The following NAALAD2 variants were observed in gnomAD, a reference collection of about 807,000 sequenced individuals.
NAALAD2 encodes N-acetylated-alpha-linked acidic dipeptidase 2.
Under a neutral mutation model 95.6 loss-of-function variants are expected in NAALAD2, and 89 were observed. That is an observed-to-expected ratio of 0.93 (90% CI 0.78 to 1.11). NAALAD2 has a LOEUF of 1.11. Ranked by LOEUF, NAALAD2 falls within the 50% of genes least tolerant of loss-of-function variation. NAALAD2 has a pLI of 0.00. For missense variants in NAALAD2, 894 were observed against 872.4 expected (o/e 1.02, Z -0.31); for synonymous variants, 264 against 294.4 (o/e 0.90, Z 1.06).
intron 11 of NAALAD2, among the ~76,000 whole-genome samples, chr11:90,167,964 A>C (rs574769441): frequency 6.6e-6 from 1 of 152,320 alleles, no homozygotes; most frequent in African/African-American, 2.4e-5. Flanking sequence ...CAGCAGTGGC[A>C]ACCCTCTGGG....
chr11:90,165,899 A>G (rs1353257700), intron 11 of NAALAD2, among the ~76,000 whole-genome samples: 1 of 152,214 alleles, frequency 6.6e-6, no homozygotes. Context: ...ATAAAATAAT[A>G]AAAACGCTTT....
At chr11:90,147,278 C>A in intron 2 of NAALAD2, 52 bp from the exon 3 acceptor site, 1 of 1,406,280 alleles carries the variant, frequency 7.1e-7, no homozygotes, top group Non-Finnish European at 9.9e-7. Flanking sequence ...TTCTTAGGCA[C>A]ATCGTCTGAG....
intron 6 of NAALAD2, among the ~76,000 whole-genome samples, chr11:90,155,689 ATACATATGTATGTATTATTATTG>A (rs1952084159): frequency 2.4e-5 from 1 of 41,944 alleles, no homozygotes; most frequent in African/African-American, 1.6e-4. Flanking sequence ...TAATACATAC[ATACATATGTATGTATTATTATTG>A]TATGTATGTA....
At chr11:90,135,186 A>C in intron 1 of NAALAD2, 1 of 312,292 alleles carries the variant, frequency 3.2e-6, no homozygotes, top group East Asian at 6.1e-5. Context: ...AGCATTAAAA[A>C]CAAAGCAAAA....
chr11:90,160,817 T>C (rs964806921), intron 8 of NAALAD2, among the ~76,000 whole-genome samples: 6 of 152,330 alleles, frequency 3.9e-5, no homozygotes, highest in Non-Finnish European at 7.4e-5. Context: ...GCTCCTTCAC[T>C]GTGAGCATAG....
chr11:90,163,357 G>A lies in NAALAD2; in HGVS notation c.1123G>A (p.Ala375Thr). 6.2e-7 allele frequency: 1 copy of A among 1,614,028 alleles called. No homozygotes were observed. The highest frequency in any genetic ancestry group is 1.6e-4 in the Middle Eastern group (1 of 6,062). The change falls in exon 10 of 19, where the codon GCT (alanine) becomes ACT (threonine). Residue 375 changes from alanine (A) to threonine (T), a missense_variant. Coordinates refer to ENST00000534061, the MANE Select transcript of NAALAD2 (RefSeq NM_005467.4). Reference sequence around the variant, plus strand: ...TCACCGGGACTCCTGGGTATTTGGAGCTATTGACCCAACCAGTGGGGTTGC... The same window carrying A: ...TCACCGGGACTCCTGGGTATTTGGAACTATTGACCCAACCAGTGGGGTTGC... ...GGHRDSWVFG[A>T]IDPTSGVAVL...
rs142869570 is a variant in NAALAD2 at position 90,146,960 on chromosome 11, C to T, written c.195-370C>T. Among the ~76,000 whole-genome samples, 8 of 152,024 alleles carry T rather than the reference C, an allele frequency of 5.3e-5. No homozygotes were observed. The South Asian group carries it at 8.3e-4, about 16-fold the overall frequency. On this transcript the variant is annotated intron_variant, in intron 2 of 18. Transcript: ENST00000534061. The stretch of plus-strand genomic sequence containing the variant: ...CATGGAAGTGCCCAAGTGGTCCCTG[C>T]GAGAGGTTAAGATCTATTTTTTTTT...
chr11:90,191,826 C>A lies in NAALAD2; in HGVS notation c.*79C>A. The A allele has an allele frequency of 8.7e-7, 1 of 1,150,094 alleles. No individual in the cohort carries two copies. Among genetic ancestry groups the A allele is most frequent in the Non-Finnish European group, 1.2e-6 (1 of 851,948 alleles). The allele number at this position is 1,150,094 out of a possible 1,614,324, so 71.2% of individuals were successfully genotyped here. A position where few individuals can be genotyped will look rare whatever the true frequency, so the allele number is the denominator to read the frequency against. On this transcript the variant is annotated 3_prime_UTR_variant, in exon 19 of 19. Coordinates refer to ENST00000534061, the MANE Select transcript of NAALAD2 (RefSeq NM_005467.4). Reference sequence around the variant, plus strand: ...TTCACCTTTCTGATAACTTATGAAGCCAGGGTGTTCTAAACTCTTTTCATG... The same window carrying A: ...TTCACCTTTCTGATAACTTATGAAGACAGGGTGTTCTAAACTCTTTTCATG...
At chr11:90,134,599 G>T, upstream of NAALAD2, 1 of 628,070 alleles carries the variant, frequency 1.6e-6, no homozygotes, top group South Asian at 2.0e-5. Context: ...GGGCCCCTGG[G>T]GACCACAGGT....
chr11:90,134,485 C>G (rs377267302), upstream of NAALAD2: 43 of 441,704 alleles, frequency 9.7e-5, 1 homozygote, highest in African/African-American at 7.9e-4. Context: ...CAGCAGCTCC[C>G]GCCACCTACT....
At chr11:90,164,707 TCTTC>T (rs1952387555) in intron 11 of NAALAD2, among the ~76,000 whole-genome samples, 1 of 152,190 alleles carries the variant, frequency 6.6e-6, no homozygotes. Flanking sequence ...CTCCCTTCTC[TCTTC>T]ATCTTTACCC....
rs1336127404 is a variant in NAALAD2, at chr11:90,163,598, G to T, written c.1259G>T (p.Gly420Val). 1.2e-6 allele frequency: 2 copies of T among 1,614,058 alleles called. No individual in the cohort carries two copies. Among genetic ancestry groups the T allele is most frequent in the Non-Finnish European group, 1.7e-6 (2 of 1,179,960 alleles). ...SWDAEEFGLLGSTEWAEENVK... is the reference protein window; with the variant it reads ...SWDAEEFGLLVSTEWAEENVK... ...GATGCAGAAGAATTTGGACTTCTGG[G>T]TTCCACAGAATGGGCTGAGGTAAAT... Residue 420 changes from glycine to valine, a missense_variant, in exon 11 of 19, where the codon GGT becomes GTT. Transcript: ENST00000534061.
At chr11:90,152,588 A>C in intron 6 of NAALAD2, 104 bp downstream of exon 6, 1 of 759,430 alleles carries the variant, frequency 1.3e-6, no homozygotes, top group Non-Finnish European at 2.0e-6. Context: ...ACTAAAATTG[A>C]GTACACTTAT....
rs2134854901 is a variant in NAALAD2, at chr11:90,147,404, G to A, written c.269G>A (p.Trp90Ter). ...CTTGCCAAGAAAATCCAAACCCAGT[G>A]GAAGAAATTTGGACTAGATTCAGCC... is the stretch of plus-strand genomic sequence containing the variant. ...FLLAKKIQTQWKKFGLDSAKL... is the reference protein window; with the variant it reads ...FLLAKKIQTQ The change falls in exon 3 of 19, where the codon TGG becomes TAG. Residue 90 changes from tryptophan (W) to a stop codon, truncating the protein, a stop_gained. Coordinates refer to ENST00000534061, the MANE Select transcript of NAALAD2 (RefSeq NM_005467.4). LOFTEE classifies it high-confidence loss of function. The A allele has an allele frequency of 6.2e-7, 1 of 1,613,936 alleles. No individual in the cohort carries two copies. The highest frequency in any genetic ancestry group is 1.1e-5 in the South Asian group (1 of 91,062).
chr11:90,178,615 G>A (rs1952872035), intron 16 of NAALAD2, among the ~76,000 whole-genome samples: 1 of 151,432 alleles, frequency 6.6e-6, no homozygotes, highest in Non-Finnish European at 1.5e-5. Context: ...AGCTTGCAGT[G>A]AGCTGAGATC....
intron 17 of NAALAD2, among the ~76,000 whole-genome samples, chr11:90,182,165 T>C (rs1009288627): frequency 6.6e-6 from 1 of 152,152 alleles, no homozygotes; most frequent in East Asian, 1.9e-4. Context: ...AAATTCTTTT[T>C]TCATGGATAA....
chr11:90,182,125 T>C (rs1203849308), intron 17 of NAALAD2, among the ~76,000 whole-genome samples: 1 of 152,156 alleles, frequency 6.6e-6, no homozygotes, highest in African/African-American at 2.4e-5. Flanking sequence ...TTACTAGTTC[T>C]TTGTTCAGTA....
chr11:90,144,971 C>T (rs1469207536), intron 2 of NAALAD2, among the ~76,000 whole-genome samples: 1 of 152,088 alleles, frequency 6.6e-6, no homozygotes, highest in Non-Finnish European at 1.5e-5. Context: ...TTTGAGTGTT[C>T]TCCCTCTCTC....
intron 13 of NAALAD2, among the ~76,000 whole-genome samples, 196 bp from the exon 14 acceptor site, chr11:90,173,628 A>C (rs1952705442): frequency 6.6e-6 from 1 of 152,238 alleles, no homozygotes; most frequent in Admixed American, 6.5e-5. Context: ...ATGAATAAAA[A>C]ATAATTTGGG....
Sources: gnomAD v4.1 joint callset for allele counts (sites outside exome capture counted in the v4.1 genomes callset) on GRCh38, gnomAD v4.1.1 for gene constraint, MANE v1.5 for transcripts, NCBI Gene and HGNC (gene_info 2026-07-23, HGNC 2026-07-21) for gene names.